ANKRD26: variants seen among roughly 807,000 people sequenced by gnomAD.
ANKRD26 encodes ankyrin repeat domain 26.
ANKRD26 carries 141 observed loss-of-function variants against 208.7 expected under a neutral mutation model. The observed-to-expected ratio is 0.68, with a 90% CI of 0.59 to 0.78. The LOEUF is 0.78. Among genes scored for constraint, ANKRD26 ranks in the 30% least tolerant of loss-of-function variants. The probability of loss-of-function intolerance (pLI) is 0.00; values close to 1 mark genes in which losing one functional copy is unlikely to be tolerated. For missense variants in ANKRD26, 1,889 were observed against 1,938.7 expected (o/e 0.97, Z 0.48); for synonymous variants, 636 against 660.4 (o/e 0.96, Z 0.57).
At chr10:27,100,022 G>A (rs529877316) in intron 1 of ANKRD26, 63 bp downstream of exon 1, 19 of 1,607,318 alleles carry the variant, frequency 1.2e-5, no homozygotes, top group Middle Eastern at 3.3e-4. Flanking sequence ...TCCCACAAAA[G>A]GGGCCCCTCT....
chr10:26,969,248 CAGG>C (rs2134579196), downstream of ANKRD26, among the ~76,000 whole-genome samples: 1 of 152,230 alleles, frequency 6.6e-6, no homozygotes, highest in South Asian at 2.1e-4. Flanking sequence ...TCCAGGCTGT[CAGG>C]AAATATCTCT....
the ANKRD26 span, among the ~76,000 whole-genome samples, chr10:26,967,495 A>C: frequency 6.6e-6 from 1 of 151,898 alleles, no homozygotes; most frequent in Admixed American, 6.6e-5. Context: ...ATTCATTCCC[A>C]CGGCTTCAGT....
chr10:27,098,639 C>T (rs2056544847), intron 1 of ANKRD26, among the ~76,000 whole-genome samples: 1 of 151,628 alleles, frequency 6.6e-6, no homozygotes, highest in Non-Finnish European at 1.5e-5. Context: ...AGCTCCGCCT[C>T]CCGGGTTCAC....
At chr10:26,951,707 T>C in the ANKRD26 span, among the ~76,000 whole-genome samples, 1 of 152,258 alleles carries the variant, frequency 6.6e-6, no homozygotes, top group African/African-American at 2.4e-5. Context: ...TTTGCTGTTG[T>C]ATGCATTGGC....
At position 27,066,518 on chromosome 10, in the gene ANKRD26, T is replaced by A. The variant is rs760243477; in HGVS notation, c.1238A>T (p.Glu413Val). 1 of 1,601,360 alleles carries A rather than the reference T, an allele frequency of 6.2e-7. No homozygotes were observed. Among genetic ancestry groups the A allele is most frequent in the South Asian group, 1.1e-5 (1 of 90,414 alleles). Residue 413 changes from glutamate (E) to valine (V), a missense_variant, in exon 11 of 34, where the codon GAG becomes GTG. Transcript: ENST00000376087. ...DMMSALGLGQ[E>V]EDIESPWDSE... ...ATCCCAAGGTGATTCTATATCTTCC[T>A]CTTGTCCTAATCCTAATGCGGACAT...
the ANKRD26 span, among the ~76,000 whole-genome samples, chr10:26,954,751 T>C: frequency 2.0e-5 from 3 of 152,116 alleles, no homozygotes; most frequent in African/African-American, 2.4e-5. Flanking sequence ...GTATTGTTTA[T>C]AAAATAAGAG....
At chr10:27,064,182 T>A in intron 11 of ANKRD26, 101 bp from the exon 12 acceptor site, 1 of 925,966 alleles carries the variant, frequency 1.1e-6, no homozygotes, top group Non-Finnish European at 1.6e-6. Context: ...TTTCCTATTT[T>A]AAAAGCAATT....
At chr10:27,015,913 A>C (rs2053273667) in intron 30 of ANKRD26, among the ~76,000 whole-genome samples, 1 of 152,168 alleles carries the variant, frequency 6.6e-6, no homozygotes, top group Non-Finnish European at 1.5e-5. Context: ...GTAGATTTTT[A>C]TCACTCACTC....
rs748091888 is a variant in ANKRD26 at position 27,061,174 on chromosome 10, T to C, written c.1432A>G (p.Arg478Gly). 3 of 1,612,732 alleles carry C rather than the reference T, an allele frequency of 1.9e-6. No individual in the cohort carries two copies. The highest frequency in any genetic ancestry group is 2.2e-5 in the South Asian group (2 of 91,056). The change falls in exon 13 of 34, where the codon AGA (arginine) becomes GGA (glycine). Residue 478 changes from arginine (R) to glycine (G), a missense_variant. Coordinates refer to ENST00000376087, the MANE Select transcript of ANKRD26 (RefSeq NM_014915.3). The part of the protein sequence containing the change: ...NFKMAKLEDT[R>G]NVGMPVAHME... The stretch of plus-strand genomic sequence containing the variant: ...TGGGCTACTGGCATGCCTACATTTC[T>C]TGTATCCTCTAGTTTAGCCATCTTA...
chr10:27,081,311 G>A (rs1354244383), intron 6 of ANKRD26, among the ~76,000 whole-genome samples: 1 of 151,988 alleles, frequency 6.6e-6, no homozygotes, highest in Non-Finnish European at 1.5e-5. Context: ...CAAAAGCCCG[G>A]TTCCTATCCA....
chr10:27,085,996 CTATT>C (rs34714017), intron 5 of ANKRD26, among the ~76,000 whole-genome samples: 19,521 of 151,992 alleles, frequency 0.13, 1,384 homozygotes, highest in East Asian at 0.28. Context: ...TGTTAATTGA[CTATT>C]TATATTATCA....
the ANKRD26 span, among the ~76,000 whole-genome samples, chr10:26,961,993 A>C: frequency 1.1e-4 from 17 of 152,232 alleles, no homozygotes; most frequent in Admixed American, 9.2e-4. Flanking sequence ...TCTGAGGGGG[A>C]AAGTGGGAAG....
At chr10:26,948,496 T>G in the ANKRD26 span, among the ~76,000 whole-genome samples, 1 of 152,356 alleles carries the variant, frequency 6.6e-6, no homozygotes, top group African/African-American at 2.4e-5. Flanking sequence ...ACAAATTATT[T>G]TTGATCATCC....
At chr10:27,042,798 C>CAAAAAAAAAAA (rs60850386) in intron 20 of ANKRD26, among the ~76,000 whole-genome samples, 36 of 48,904 alleles carry the variant, frequency 7.4e-4, no homozygotes, top group East Asian at 1.4e-3. Flanking sequence ...CAAAAAAATA[C>CAAAAAAAAAAA]AAAAAAAAAA....
At chr10:27,065,858 T>A (rs12357873) in intron 11 of ANKRD26, among the ~76,000 whole-genome samples, 9,109 of 129,064 alleles carry the variant, frequency 0.071, 455 homozygotes, top group African/African-American at 0.12. Context: ...AATAATTCTT[T>A]CTTTTTTTTT....
At chr10:27,076,921 A>T (rs1473179864) in intron 9 of ANKRD26, 2 of 171,124 alleles carry the variant, frequency 1.2e-5, no homozygotes, top group Non-Finnish European at 2.5e-5. Flanking sequence ...CCAGACATTC[A>T]AAAAAGAACT....
intron 30 of ANKRD26, among the ~76,000 whole-genome samples, chr10:27,015,936 ACT>A (rs2053274789): frequency 6.6e-6 from 1 of 151,990 alleles, no homozygotes; most frequent in African/African-American, 2.4e-5. Flanking sequence ...ACACACACAC[ACT>A]CACACACTCA....
chr10:27,041,150 A>G (rs74128549), intron 20 of ANKRD26, among the ~76,000 whole-genome samples: 162 of 152,260 alleles, frequency 1.1e-3, no homozygotes, highest in African/African-American at 3.8e-3. Context: ...AAACTGACAT[A>G]AAGTCCAGCA....
chr10:27,077,760 A>G, intron 7 of ANKRD26, 67 bp from the exon 8 acceptor site: 1 of 1,349,024 alleles, frequency 7.4e-7, no homozygotes, highest in Admixed American at 1.8e-5. Flanking sequence ...AAATAATCGT[A>G]ATAGATAGTC....
Sources: gnomAD v4.1 joint callset for allele counts (sites outside exome capture counted in the v4.1 genomes callset) on GRCh38, gnomAD v4.1.1 for gene constraint, MANE v1.5 for transcripts, NCBI Gene and HGNC (gene_info 2026-07-23, HGNC 2026-07-21) for gene names.